LRIG1: variants seen among roughly 807,000 people sequenced by gnomAD.
LRIG1 encodes the protein leucine rich repeats and immunoglobulin like domains 1.
Under a neutral mutation model 99.2 loss-of-function variants are expected in LRIG1, and 48 were observed. That is an observed-to-expected ratio of 0.48 (90% CI 0.38 to 0.62). LRIG1 has a LOEUF of 0.62. Ranked by LOEUF, LRIG1 falls within the 20% of genes least tolerant of loss-of-function variation. The pLI is 0.00. For missense variants in LRIG1, 1,646 were observed against 1,434.4 expected (o/e 1.15, Z -2.38); for synonymous variants, 772 against 596.1 (o/e 1.29, Z -4.30).
intron 1 of LRIG1, among the ~76,000 whole-genome samples, chr3:66,471,480 C>T (rs544813134): frequency 2.0e-4 from 30 of 152,258 alleles, no homozygotes; most frequent in African/African-American, 7.2e-4. Context: ...CAGGTGCTCC[C>T]TGCTCCCACT....
chr3:66,477,313 C>A (rs747041501), intron 1 of LRIG1, among the ~76,000 whole-genome samples: 3 of 152,210 alleles, frequency 2.0e-5, no homozygotes, highest in African/African-American at 7.2e-5. Context: ...AGACACACCA[C>A]GACCCGGGTC....
intron 17 of LRIG1, 113 bp downstream of exon 17, chr3:66,381,366 A>C: frequency 1.8e-6 from 2 of 1,088,552 alleles, no homozygotes; most frequent in Non-Finnish European, 2.7e-6. Context: ...CTGAATACCA[A>C]ATTTGGAGAC....
Position 66,381,729 on chromosome 3 carries a change from T to C in LRIG1, c.2618-98A>G, listed in dbSNP as rs935731780. 2.9e-6 allele frequency: 4 copies of C among 1,377,470 alleles called. No homozygotes were observed. The Admixed American group carries it at 8.5e-5, about 29-fold the overall frequency. The allele number at this position is 1,377,470 out of a possible 1,614,324, so 85.3% of individuals were successfully genotyped here. A position where few individuals can be genotyped will look rare whatever the true frequency, so the allele number is the denominator to read the frequency against. ...GCAAGGCCGCTAGAACAGTCATTTT[T>C]TTTAAAAAGTTCTTCAGAGCGGTGG... is the stretch of plus-strand genomic sequence containing the variant. On this transcript the variant is annotated intron_variant, in intron 16 of 18. Coordinates refer to ENST00000273261, the MANE Select transcript of LRIG1 (RefSeq NM_015541.3).
At chr3:66,495,108 C>CA (rs1182609662) in intron 1 of LRIG1, among the ~76,000 whole-genome samples, 2 of 152,158 alleles carry the variant, frequency 1.3e-5, no homozygotes, top group African/African-American at 4.8e-5. Flanking sequence ...AAGATAACCA[C>CA]ATAACTGACA....
At chr3:66,393,785 T>C (rs1346308913) in intron 12 of LRIG1, among the ~76,000 whole-genome samples, 1 of 152,224 alleles carries the variant, frequency 6.6e-6, no homozygotes, top group Non-Finnish European at 1.5e-5. Context: ...CTGTAACTGA[T>C]TATTCTGATT....
chr3:66,489,760 G>A (rs891401760), intron 1 of LRIG1, among the ~76,000 whole-genome samples: 2 of 152,204 alleles, frequency 1.3e-5, no homozygotes, highest in African/African-American at 2.4e-5. Context: ...CTGCCAATCA[G>A]TGGCAGAGCT....
intron 9 of LRIG1, 152 bp from the exon 10 acceptor site, chr3:66,399,193 G>A (rs374387265): frequency 9.1e-6 from 6 of 656,556 alleles, no homozygotes; most frequent in South Asian, 1.9e-5. Context: ...GCTGACCTGC[G>A]CTGAGATTAC....
intron 12 of LRIG1, among the ~76,000 whole-genome samples, chr3:66,392,462 T>G (rs1378055560): frequency 6.6e-6 from 1 of 152,184 alleles, no homozygotes; most frequent in Non-Finnish European, 1.5e-5. Context: ...TATCTGAGTT[T>G]TGGATTCTAG....
At chr3:66,444,148 G>A (rs1164211315) in intron 3 of LRIG1, among the ~76,000 whole-genome samples, 1 of 152,180 alleles carries the variant, frequency 6.6e-6, no homozygotes, top group Non-Finnish European at 1.5e-5. Context: ...TGTAAGCAGA[G>A]CTGCCAGCAC....
chr3:66,429,428 C>T (rs1470049206), intron 3 of LRIG1, among the ~76,000 whole-genome samples: 1 of 152,238 alleles, frequency 6.6e-6, no homozygotes, highest in African/African-American at 2.4e-5. Flanking sequence ...AGCAGCAAAA[C>T]TCCTAAGGAA....
At chr3:66,487,891 T>C (rs1361277018) in intron 1 of LRIG1, among the ~76,000 whole-genome samples, 4 of 152,216 alleles carry the variant, frequency 2.6e-5, no homozygotes, top group African/African-American at 4.8e-5. Flanking sequence ...CCCTAATTGT[T>C]GTTAAACTTC....
chr3:66,450,369 C>T (rs1191158079), intron 3 of LRIG1, among the ~76,000 whole-genome samples: 1 of 152,156 alleles, frequency 6.6e-6, no homozygotes, highest in African/African-American at 2.4e-5. Context: ...TTCCACTCCC[C>T]CGGGCCTCAC....
chr3:66,461,629 G>A (rs1379178039), intron 2 of LRIG1, among the ~76,000 whole-genome samples: 3 of 152,148 alleles, frequency 2.0e-5, no homozygotes, highest in African/African-American at 7.2e-5. Flanking sequence ...GTATGCCTGG[G>A]TGAGAATACT....
At chr3:66,410,421 A>C in intron 6 of LRIG1, 149 bp from the exon 7 acceptor site, 1 of 703,480 alleles carries the variant, frequency 1.4e-6, no homozygotes, top group Non-Finnish European at 2.3e-6. Flanking sequence ...AGTCGCACAC[A>C]TGTGCATGTG....
Position 66,451,600 on chromosome 3 carries a change from T to C in LRIG1, c.324A>G (p.Pro108=). 1 of 1,614,058 alleles carries C rather than the reference T, an allele frequency of 6.2e-7. No individual in the cohort carries two copies. Among genetic ancestry groups the C allele is most frequent in the Non-Finnish European group, 8.5e-7 (1 of 1,179,984 alleles). ...CATGTGATGAAGCAGCGCCCAGGGA[T>C]GGTACCGCTGTCAACTCATTATTAT... The part of the protein sequence containing the change: ...YLNNNELTAV[P]SLGAASSHVV... Residue 108 remains proline (P), a synonymous_variant, in exon 3 of 19, where the codon CCA becomes CCG. Coordinates refer to ENST00000273261, the MANE Select transcript of LRIG1 (RefSeq NM_015541.3).
intron 4 of LRIG1, 43 bp from the exon 5 acceptor site, chr3:66,415,106 C>T: frequency 1.3e-6 from 2 of 1,556,748 alleles, no homozygotes; most frequent in Non-Finnish European, 1.7e-6. Context: ...TGGTCAAAGG[C>T]CTTCCTCATT....
chr3:66,395,903 C>T (rs1005466661), intron 11 of LRIG1, among the ~76,000 whole-genome samples: 16 of 152,244 alleles, frequency 1.1e-4, no homozygotes, highest in Admixed American at 7.2e-4. Flanking sequence ...GGCAGAACAG[C>T]CTGGGCACTG....
intron 1 of LRIG1, among the ~76,000 whole-genome samples, chr3:66,484,754 AGCTGGGG>A (rs1700932166): frequency 1.3e-5 from 2 of 152,202 alleles, no homozygotes; most frequent in Admixed American, 1.3e-4. Context: ...AGACCCCTAC[AGCTGGGG>A]GCAAGGGGTT....
At chr3:66,414,265 T>A (rs543730008) in intron 5 of LRIG1, among the ~76,000 whole-genome samples, 1 of 151,896 alleles carries the variant, frequency 6.6e-6, no homozygotes, top group Non-Finnish European at 1.5e-5. Context: ...GGCATGGTGG[T>A]GGGTGCCTGT....
Sources: allele counts gnomAD v4.1 joint callset (sites outside exome capture counted in the v4.1 genomes callset), GRCh38; gene constraint gnomAD v4.1.1; transcripts MANE v1.5; gene names NCBI Gene and HGNC (gene_info 2026-07-23, HGNC 2026-07-21).